TPTE: variants seen among roughly 807,000 people sequenced by gnomAD.
The protein encoded by TPTE is transmembrane phosphatase with tensin homology.
A neutral mutation model predicts 84.1 loss-of-function variants in TPTE; 59 were observed. That is an observed-to-expected ratio of 0.70 (90% CI 0.57 to 0.87). The LOEUF (loss-of-function observed/expected upper bound fraction) is 0.87. Ranked by LOEUF, TPTE falls within the 40% of genes least tolerant of loss-of-function variation. The pLI, the probability that TPTE is intolerant of heterozygous loss-of-function variation, is 0.00. For missense variants in TPTE, 382 were observed against 659.6 expected, an observed-to-expected ratio of 0.58 and a Z score of 4.61; for synonymous variants, 130 against 223.5, an observed-to-expected ratio of 0.58 and a Z score of 3.73.
In TPTE at chr21:10,561,176, G is replaced by A. The variant is rs144333919; in HGVS notation, c.431G>A (p.Arg144Gln). The part of the protein sequence containing the change: ...ALFFLMDVLL[R>Q]VFVERRQQYF... ...TTTTTTCTCATGGATGTTCTTCTTC[G>A]AGTATTTGTAGAAAGGTAAGTTTGA... Residue 144 changes from arginine (R) to glutamine (Q), a missense_variant, in exon 10 of 24, where the codon CGA becomes CAA. Physicochemically the swap from Arg to Gln is conservative, Grantham distance 43. This residue lies in a region of TPTE where 85 missense variants were observed against 230.9 expected (regional missense o/e 0.37). Coordinates refer to ENST00000618007, the MANE Select transcript of TPTE (RefSeq NM_199261.4). The A allele has an allele frequency of 4.8e-5, 78 of 1,611,508 alleles. No homozygotes were observed. Among genetic ancestry groups the A allele is most frequent in the East Asian group, 2.0e-4 (9 of 44,884 alleles).
chr21:10,604,823 T>A (rs1979075916), intron 23 of TPTE, among the ~76,000 whole-genome samples: 1 of 152,310 alleles, frequency 6.6e-6, no homozygotes, highest in Non-Finnish European at 1.5e-5. Flanking sequence ...TATATAAATT[T>A]CTAAAGATTT....
At chr21:10,594,288 A>G (rs1198598745) in intron 19 of TPTE, among the ~76,000 whole-genome samples, 3 of 152,312 alleles carry the variant, frequency 2.0e-5, no homozygotes, top group Non-Finnish European at 4.4e-5. Context: ...CTCAGCCTGA[A>G]GTAGTCTCTT....
At position 10,578,354 on chromosome 21, in the gene TPTE, C is replaced by A. The variant is rs1255325443; in HGVS notation, c.874C>A (p.Pro292Thr). Reference sequence around the variant, plus strand: ...TATTTTAGGTGAAAGAGCTTACGATCCTAAGCACTTCCATAATAGGGTCGT... The same window carrying A: ...TATTTTAGGTGAAAGAGCTTACGATACTAAGCACTTCCATAATAGGGTCGT... ...YNLCSERAYD[P>T]KHFHNRVVRI... The change falls in exon 16 of 24, where the codon CCT becomes ACT. Residue 292 changes from proline to threonine, a missense_variant. By Grantham distance (38) the Pro-to-Thr change is conservative (BLOSUM62 -1). Coordinates refer to ENST00000618007, the MANE Select transcript of TPTE (RefSeq NM_199261.4). The A allele has an allele frequency of 6.2e-7, 1 of 1,611,836 alleles. No homozygotes were observed. Among genetic ancestry groups the A allele is most frequent in the African/African-American group, 1.3e-5 (1 of 74,882 alleles).
chr21:10,595,092 G>T (rs1250386165), intron 19 of TPTE, among the ~76,000 whole-genome samples: 4 of 152,414 alleles, frequency 2.6e-5, no homozygotes, highest in African/African-American at 9.6e-5. Flanking sequence ...GCCCAGACTA[G>T]AGTGCAGTGG....
At chr21:10,538,763 T>TTA (rs776242794) in intron 4 of TPTE, 29 bp downstream of exon 4, 1 of 1,614,062 alleles carries the variant, frequency 6.2e-7, no homozygotes, top group Admixed American at 1.7e-5. Flanking sequence ...TGTCTTTATT[T>TTA]ATCGAATTAT....
At chr21:10,575,611 G>A (rs537191987) in intron 14 of TPTE, among the ~76,000 whole-genome samples, 61 of 152,316 alleles carry the variant, frequency 4.0e-4, no homozygotes, top group Admixed American at 7.9e-4. Flanking sequence ...AGGTATGTGC[G>A]GGCTGGATAC....
intron 7 of TPTE, among the ~76,000 whole-genome samples, chr21:10,548,470 C>T (rs1360548815): frequency 6.6e-6 from 1 of 152,310 alleles, no homozygotes; most frequent in African/African-American, 2.4e-5. Flanking sequence ...AGCCTCGTGT[C>T]CACATCCTGG....
chr21:10,542,397 C>A lies in TPTE; in HGVS notation c.68C>A (p.Pro23Gln). 6.2e-7 allele frequency: 1 copy of A among 1,611,398 alleles called. No individual in the cohort carries two copies. The highest frequency in any genetic ancestry group is 8.5e-7 in the Non-Finnish European group (1 of 1,178,092). ...VIIELGPNDS[P>Q]QTSEFKGATE... is the part of the protein sequence containing the mutation. Reference sequence around the variant, plus strand: ...TGTTTTCTCTTATCATCCACTAGTCCACAGACAAGTGAATTTAAAGGAGCA... The same window carrying A: ...TGTTTTCTCTTATCATCCACTAGTCAACAGACAAGTGAATTTAAAGGAGCA... The change falls in exon 6 of 24, where the codon CCA becomes CAA. Residue 23 changes from proline to glutamine, a missense_variant and splice_region_variant. Physicochemically the swap from Pro to Gln is moderately conservative, Grantham distance 76. Coordinates refer to ENST00000618007, the MANE Select transcript of TPTE (RefSeq NM_199261.4).
intron 11 of TPTE, among the ~76,000 whole-genome samples, chr21:10,568,573 G>A (rs1224690131): frequency 6.6e-6 from 1 of 152,308 alleles, no homozygotes; most frequent in Non-Finnish European, 1.5e-5. Context: ...ATTTCTTTTT[G>A]TACCCTAGCT....
At chr21:10,557,814 G>A (rs1362436240) in intron 8 of TPTE, among the ~76,000 whole-genome samples, 1 of 152,302 alleles carries the variant, frequency 6.6e-6, no homozygotes, top group Non-Finnish European at 1.5e-5. Flanking sequence ...TGTCAGGGAG[G>A]TTGTTTTTTT....
At chr21:10,523,158 C>T (rs2074014023) in intron 1 of TPTE, among the ~76,000 whole-genome samples, 2 of 152,308 alleles carry the variant, frequency 1.3e-5, no homozygotes, top group Admixed American at 6.5e-5. Context: ...TAATCCTCTC[C>T]ATTACATACA....
At chr21:10,526,487 T>G (rs1415695437) in intron 2 of TPTE, among the ~76,000 whole-genome samples, 2 of 152,312 alleles carry the variant, frequency 1.3e-5, no homozygotes, top group Non-Finnish European at 2.9e-5. Flanking sequence ...GGTTCTGTGG[T>G]CAAATAGGTT....
intron 22 of TPTE, 54 bp downstream of exon 22, chr21:10,602,204 C>T (rs1828001): frequency 6.1e-4 from 865 of 1,426,642 alleles, no homozygotes; most frequent in African/African-American, 4.2e-3. Context: ...CTAATGATTT[C>T]ATGTAAGATT....
At chr21:10,594,042 A>G (rs1965850181) in intron 19 of TPTE, among the ~76,000 whole-genome samples, 1 of 152,430 alleles carries the variant, frequency 6.6e-6, no homozygotes, top group South Asian at 2.1e-4. Flanking sequence ...AGCCCTAATC[A>G]TGCCATTTCC....
At chr21:10,521,988 T>G (rs1013475302) in intron 1 of TPTE, among the ~76,000 whole-genome samples, 4 of 149,054 alleles carry the variant, frequency 2.7e-5, no homozygotes, top group African/African-American at 4.9e-5. Flanking sequence ...CTGAGTGGTG[T>G]TAGCTCAGTC....
At chr21:10,583,188 T>C (rs1420301786) in intron 17 of TPTE, among the ~76,000 whole-genome samples, 1 of 152,306 alleles carries the variant, frequency 6.6e-6, no homozygotes, top group Non-Finnish European at 1.5e-5. Context: ...GTTGTAACAA[T>C]TTTTACTCCA....
chr21:10,533,387 A>G (rs1224713625), intron 3 of TPTE, among the ~76,000 whole-genome samples: 1,164 of 151,946 alleles, frequency 7.7e-3, no homozygotes, highest in Non-Finnish European at 0.013. Context: ...TTACTTTAAA[A>G]TCTTGGTCAG....
At chr21:10,526,206 C>T (rs1296882977) in intron 2 of TPTE, among the ~76,000 whole-genome samples, 3 of 152,308 alleles carry the variant, frequency 2.0e-5, no homozygotes, top group Non-Finnish European at 2.9e-5. Context: ...CATTCAAGGA[C>T]ATGAGAACAC....
intron 3 of TPTE, among the ~76,000 whole-genome samples, chr21:10,528,169 A>G (rs2074112988): frequency 6.6e-6 from 1 of 152,284 alleles, no homozygotes; most frequent in South Asian, 2.1e-4. Context: ...AACACATTGT[A>G]ATTTGTAGCG....
Sources: allele counts gnomAD v4.1 joint callset (sites outside exome capture counted in the v4.1 genomes callset), GRCh38; gene constraint gnomAD v4.1.1; regional missense constraint gnomAD v4.1.1; transcripts MANE v1.5; gene names NCBI Gene and HGNC (gene_info 2026-07-23, HGNC 2026-07-21).